The following NSG1 variants were observed in gnomAD, a reference collection of about 807,000 sequenced individuals.
The protein encoded by NSG1 is neuronal vesicle trafficking-associated protein 1.
Under a neutral mutation model 19.3 loss-of-function variants are expected in NSG1, and 9 were observed. The ratio of observed to expected loss-of-function variants is 0.47; its 90% CI spans 0.28 to 0.81. The LOEUF is 0.81. Among genes scored for constraint, NSG1 ranks in the 40% least tolerant of loss-of-function variants. NSG1 has a pLI of 0.11. For synonymous variants in NSG1, 104 were observed against 107.0 expected, an observed-to-expected ratio of 0.97 and a Z score of 0.17; for missense variants, 236 against 242.4, an observed-to-expected ratio of 0.97 and a Z score of 0.18.
chr4:4,399,824 C>G (rs1267566100), intron 3 of NSG1, among the ~76,000 whole-genome samples: 1 of 152,214 alleles, frequency 6.6e-6, no homozygotes, highest in Non-Finnish European at 1.5e-5. Flanking sequence ...AGAACACAAC[C>G]TAGATTCTCA....
chr4:4,395,237 AG>A (rs1357256538), intron 3 of NSG1, among the ~76,000 whole-genome samples: 2 of 152,224 alleles, frequency 1.3e-5, no homozygotes, highest in Non-Finnish European at 2.9e-5. Flanking sequence ...GAGCCACCTG[AG>A]TCAGCATCAC....
At chr4:4,387,904 T>TA in intron 2 of NSG1, 146 bp downstream of exon 2, 1 of 685,300 alleles carries the variant, frequency 1.5e-6, no homozygotes, top group South Asian at 1.8e-5. Context: ...GCGAGGACAG[T>TA]GTACCCGCGC....
intron 3 of NSG1, among the ~76,000 whole-genome samples, chr4:4,395,915 C>A (rs1469235859): frequency 6.6e-6 from 1 of 152,148 alleles, no homozygotes; most frequent in South Asian, 2.1e-4. Flanking sequence ...TGTCTTTTTG[C>A]ATGCAGCTTT....
At chr4:4,394,529 C>A (rs1232418553) in intron 3 of NSG1, among the ~76,000 whole-genome samples, 1 of 152,132 alleles carries the variant, frequency 6.6e-6, no homozygotes, top group Non-Finnish European at 1.5e-5. Context: ...GTGGCCCTTC[C>A]AAGCATAGGC....
intron 3 of NSG1, among the ~76,000 whole-genome samples, chr4:4,407,098 G>C (rs374626735): frequency 3.5e-4 from 54 of 152,368 alleles, no homozygotes; most frequent in African/African-American, 1.2e-3. Flanking sequence ...CATCCTGTCT[G>C]TGTCCCTTGT....
At chr4:4,411,693 G>A (rs1163391861) in intron 4 of NSG1, among the ~76,000 whole-genome samples, 1 of 152,052 alleles carries the variant, frequency 6.6e-6, no homozygotes, top group Non-Finnish European at 1.5e-5. Flanking sequence ...GCAGTGAGCT[G>A]AGATCATGCC....
At chr4:4,406,116 C>G (rs1373941775) in intron 3 of NSG1, among the ~76,000 whole-genome samples, 3 of 152,174 alleles carry the variant, frequency 2.0e-5, no homozygotes, top group African/African-American at 7.2e-5. Flanking sequence ...CAACCTCCAC[C>G]TCCTGGGTTC....
intron 3 of NSG1, among the ~76,000 whole-genome samples, chr4:4,392,757 TCCTC>T (rs767789700): frequency 3.9e-4 from 59 of 152,188 alleles, no homozygotes; most frequent in Non-Finnish European, 7.1e-4. Context: ...GCTCAGCAAA[TCCTC>T]CCAGCAGCCC....
Position 4,417,877 on chromosome 4 carries a change from C to T in NSG1, c.*442C>T, listed in dbSNP as rs928518628. 12 of 244,778 alleles carry T rather than the reference C, an allele frequency of 4.9e-5. No individual in the cohort carries two copies. Among genetic ancestry groups the T allele is most frequent in the African/African-American group, 9.3e-5 (4 of 42,902 alleles). 15.2% of individuals were successfully genotyped at this position (244,778 alleles called of 1,614,324 possible). On this transcript the variant is annotated 3_prime_UTR_variant, in exon 5 of 5. Transcript: ENST00000621129. ...GCAAGCCTACTTCGCATTTCTTCCT[C>T]GGCCATCAGCGGGTAACAGTGCTGA...
chr4:4,402,371 ATTTTTTTTTTTTTTT>A (rs1161754574), intron 3 of NSG1, among the ~76,000 whole-genome samples: 1,603 of 53,948 alleles, frequency 0.03, 58 homozygotes, highest in African/African-American at 0.091. Flanking sequence ...ACGCCTGGTT[ATTTTTTTTTTTTTTT>A]TTTTTTTTTT....
At chr4:4,387,903 G>A in intron 2 of NSG1, 145 bp downstream of exon 2, 1 of 686,300 alleles carries the variant, frequency 1.5e-6, no homozygotes, top group Admixed American at 2.7e-5. Flanking sequence ...GGCGAGGACA[G>A]TGTACCCGCG....
intron 3 of NSG1, among the ~76,000 whole-genome samples, chr4:4,398,116 G>A (rs1450025257): frequency 6.6e-6 from 1 of 151,908 alleles, no homozygotes; most frequent in East Asian, 1.9e-4. Flanking sequence ...CACCATGCCC[G>A]GCTAATTTTT....
chr4:4,401,534 CCTT>C (rs1209333846), intron 3 of NSG1, among the ~76,000 whole-genome samples: 1 of 152,206 alleles, frequency 6.6e-6, no homozygotes, highest in African/African-American at 2.4e-5. Flanking sequence ...AGCTCCTCCT[CCTT>C]TGGGACATGG....
At chr4:4,411,902 A>G (rs1372834389) in intron 4 of NSG1, among the ~76,000 whole-genome samples, 5 of 152,192 alleles carry the variant, frequency 3.3e-5, no homozygotes, top group Non-Finnish European at 7.3e-5. Flanking sequence ...ATTAAAAAGT[A>G]TAGTACGGTA....
intron 4 of NSG1, chr4:4,415,867 A>G (rs1447733844): frequency 3.6e-5 from 19 of 526,862 alleles, no homozygotes; most frequent in Middle Eastern, 5.1e-4. Flanking sequence ...CGTGGCGGTG[A>G]GGCTGGAGGG....
chr4:4,386,788 AGCCCTCCCGCTCCGGGC>A (rs1722735415), upstream of NSG1: 1 of 152,468 alleles, frequency 6.6e-6, no homozygotes, highest in African/African-American at 2.4e-5. Context: ...CGCAGCCCGC[AGCCCTCCCGCTCCGGGC>A]GCCCTCCGCC....
At chr4:4,411,896 A>G (rs937011278) in intron 4 of NSG1, among the ~76,000 whole-genome samples, 9 of 152,208 alleles carry the variant, frequency 5.9e-5, no homozygotes, top group Non-Finnish European at 1.2e-4. Flanking sequence ...ATACTGATTA[A>G]AAAGTATAGT....
rs189344809 is a variant in NSG1, at chr4:4,418,442, G to T, written c.*1007G>T. ...GAAAGGCTGTGGGGTGGGGGTGGGG[G>T]ACTGGTGTGGCACCGTGCAAACAAA... is the stretch of plus-strand genomic sequence containing the variant. On this transcript the variant is annotated 3_prime_UTR_variant, in exon 5 of 5. Transcript: ENST00000621129. The T allele has an allele frequency of 7.4e-4, 113 of 152,650 alleles. No individual in the cohort carries two copies. The highest frequency in any genetic ancestry group is 2.5e-3 in the African/African-American group (103 of 41,514). The allele number at this position is 152,650 out of a possible 1,614,324, so 9.5% of individuals were successfully genotyped here.
chr4:4,405,393 C>G (rs747961691), intron 3 of NSG1, among the ~76,000 whole-genome samples: 2 of 152,196 alleles, frequency 1.3e-5, no homozygotes, highest in Non-Finnish European at 2.9e-5. Flanking sequence ...GGCTGGACTT[C>G]AGCATCTCTT....
Sources: allele counts gnomAD v4.1 joint callset (sites outside exome capture counted in the v4.1 genomes callset), GRCh38; gene constraint gnomAD v4.1.1; transcripts MANE v1.5; gene names NCBI Gene and HGNC (gene_info 2026-07-23, HGNC 2026-07-21).